RGS7: variants seen among roughly 807,000 people sequenced by gnomAD.
The protein encoded by RGS7 is regulator of G-protein signaling 7.
A neutral mutation model predicts 81.1 loss-of-function variants in RGS7; 27 were observed. The observed-to-expected ratio is 0.33, with a 90% CI of 0.25 to 0.46. The LOEUF (loss-of-function observed/expected upper bound fraction) is 0.46, where lower values mean the gene tolerates loss of function less well. RGS7 is among the 20% of genes least tolerant of loss of function. The pLI, the probability that RGS7 is intolerant of heterozygous loss-of-function variation, is 1.00. For synonymous variants in RGS7, 208 were observed against 207.7 expected, an observed-to-expected ratio of 1.00 and a Z score of -0.01; for missense variants, 396 against 607.4, an observed-to-expected ratio of 0.65 and a Z score of 3.66.
chr1:241,190,051 C>G (rs566004829), intron 2 of RGS7, among the ~76,000 whole-genome samples: 1 of 151,840 alleles, frequency 6.6e-6, no homozygotes, highest in South Asian at 2.1e-4. Context: ...TGCAGTGAGC[C>G]GAGATGGCGC....
intron 2 of RGS7, among the ~76,000 whole-genome samples, chr1:241,157,821 C>CTTTTTTT (rs67249227): frequency 9.5e-5 from 9 of 94,710 alleles, no homozygotes; most frequent in African/African-American, 2.4e-4. Flanking sequence ...CTTTTCTTTT[C>CTTTTTTT]TTTTTTTTTT....
chr1:240,847,326 G>A (rs1440771870), intron 9 of RGS7, among the ~76,000 whole-genome samples: 4 of 152,162 alleles, frequency 2.6e-5, no homozygotes, highest in Admixed American at 6.5e-5. Flanking sequence ...TGTAGGGTAA[G>A]TATTTATTTT....
chr1:240,882,915 C>T lies in RGS7; in HGVS notation c.386-12796G>A, dbSNP rs374013018. On this transcript the variant is annotated intron_variant, in intron 6 of 18. Coordinates refer to ENST00000440928, the MANE Select transcript of RGS7 (RefSeq NM_001364886.1). The stretch of plus-strand genomic sequence containing the variant: ...TTCGTTTTAAATATAACAATGTCAC[C>T]GGTGTCTGATGTTCCCCTTCCTGTG... Among the ~76,000 whole-genome samples the T allele has an allele frequency of 4.7e-4, 72 of 152,168 alleles. 1 individual carries two copies. The highest frequency in any genetic ancestry group is 6.8e-3 in the Middle Eastern group (2 of 294).
chr1:241,203,542 C>T (rs902976718), intron 2 of RGS7, among the ~76,000 whole-genome samples: 1 of 152,114 alleles, frequency 6.6e-6, no homozygotes, highest in African/African-American at 2.4e-5. Context: ...AGTTCTGCTT[C>T]TTTCCAAGAT....
At chr1:241,050,029 A>G (rs181949324) in intron 3 of RGS7, among the ~76,000 whole-genome samples, 1 of 152,318 alleles carries the variant, frequency 6.6e-6, no homozygotes, top group African/African-American at 2.4e-5. Context: ...AGCTTCCTCT[A>G]GTTATAGCCT....
intron 2 of RGS7, among the ~76,000 whole-genome samples, chr1:241,321,422 C>T (rs2081204258): frequency 6.6e-6 from 1 of 152,156 alleles, no homozygotes; most frequent in South Asian, 2.1e-4. Context: ...AACTCGATCC[C>T]CCTTCCACCT....
chr1:240,971,666 G>A (rs1255212204), intron 4 of RGS7, among the ~76,000 whole-genome samples: 1 of 152,138 alleles, frequency 6.6e-6, no homozygotes, highest in Non-Finnish European at 1.5e-5. Context: ...TTGAAACTAG[G>A]TCAAATCAAT....
At chr1:240,837,901 T>C (rs1345542853) in intron 9 of RGS7, among the ~76,000 whole-genome samples, 1 of 152,182 alleles carries the variant, frequency 6.6e-6, no homozygotes, top group Non-Finnish European at 1.5e-5. Flanking sequence ...CAGATAGCAA[T>C]GGGACAACTA....
intron 1 of RGS7, among the ~76,000 whole-genome samples, chr1:241,356,548 C>T (rs1207573797): frequency 1.3e-5 from 2 of 152,182 alleles, no homozygotes; most frequent in African/African-American, 4.8e-5. Flanking sequence ...GGCCATTTTA[C>T]CCGGGTCACC....
intron 2 of RGS7, among the ~76,000 whole-genome samples, chr1:241,297,695 G>C (rs570636184): frequency 6.6e-6 from 1 of 152,184 alleles, no homozygotes. Context: ...CTGAACCATA[G>C]GTAGCTCTTG....
At chr1:240,897,892 G>A (rs1259273657) in intron 6 of RGS7, among the ~76,000 whole-genome samples, 1 of 152,120 alleles carries the variant, frequency 6.6e-6, no homozygotes, top group African/African-American at 2.4e-5. Flanking sequence ...GTAGAATTTG[G>A]CTGTGAATCC....
chr1:241,010,793 C>T (rs2058920467), intron 3 of RGS7, among the ~76,000 whole-genome samples: 1 of 152,156 alleles, frequency 6.6e-6, no homozygotes, highest in South Asian at 2.1e-4. Context: ...ACAGCACCTA[C>T]AATGTCAACA....
At position 241,265,050 on chromosome 1, in the gene RGS7, G is replaced by T. The variant is rs139929405; in HGVS notation, c.78+90649C>A. On this transcript the variant is annotated intron_variant, in intron 2 of 18. Transcript: ENST00000440928. The stretch of plus-strand genomic sequence containing the variant: ...CTTCAGTTCCCTTCCAGCCCATGGA[G>T]TTATTCAAATAAGCCAGTCACATTC... Among the ~76,000 whole-genome samples the T allele has an allele frequency of 1.6e-4, 24 of 152,278 alleles. 1 individual carries two copies. In the East Asian group the frequency reaches 4.5e-3, roughly 28 times the overall value.
intron 2 of RGS7, among the ~76,000 whole-genome samples, chr1:241,143,296 C>T (rs1211948998): frequency 6.6e-6 from 1 of 152,230 alleles, no homozygotes; most frequent in Non-Finnish European, 1.5e-5. Context: ...CCCCACTCTA[C>T]TGGTCAATTT....
chr1:241,021,926 C>T (rs893136618), intron 3 of RGS7, among the ~76,000 whole-genome samples: 7 of 152,078 alleles, frequency 4.6e-5, no homozygotes, highest in African/African-American at 1.7e-4. Flanking sequence ...AGTTGAACAC[C>T]TGGCCCATCT....
intron 18 of RGS7, among the ~76,000 whole-genome samples, chr1:240,796,699 A>G (rs1447675854): frequency 1.3e-5 from 2 of 152,258 alleles, no homozygotes; most frequent in Non-Finnish European, 2.9e-5. Flanking sequence ...AACAACAACA[A>G]TAACAACAAA....
At chr1:241,155,157 T>C (rs2069025349) in intron 2 of RGS7, among the ~76,000 whole-genome samples, 1 of 151,902 alleles carries the variant, frequency 6.6e-6, no homozygotes, top group Admixed American at 6.5e-5. Context: ...TCTCACTGTC[T>C]TGCCTATGCT....
intron 18 of RGS7, among the ~76,000 whole-genome samples, chr1:240,793,611 A>ATATATATTTTTTTTT: frequency 1.3e-5 from 1 of 78,872 alleles, no homozygotes; most frequent in African/African-American, 9.7e-5. Flanking sequence ...ATATATATAT[A>ATATATATTTTTTTTT]TTTTTTTTTT....
chr1:240,945,598 A>G (rs1678468906), intron 4 of RGS7, among the ~76,000 whole-genome samples: 1 of 152,254 alleles, frequency 6.6e-6, no homozygotes. Flanking sequence ...TATTTGAACC[A>G]TAATGAATGA....
Sources: gnomAD v4.1 joint callset for allele counts (sites outside exome capture counted in the v4.1 genomes callset) on GRCh38, gnomAD v4.1.1 for gene constraint, MANE v1.5 for transcripts, NCBI Gene and HGNC (gene_info 2026-07-23, HGNC 2026-07-21) for gene names.